SLC9B1: variants seen among roughly 807,000 people sequenced by gnomAD.
SLC9B1 encodes sodium/hydrogen exchanger 9B1.
SLC9B1 carries 32 observed loss-of-function variants against 51.7 expected under a neutral mutation model. The ratio of observed to expected loss-of-function variants is 0.62; its 90% CI spans 0.47 to 0.83. SLC9B1 has a LOEUF of 0.83. Ranked by LOEUF, SLC9B1 falls within the 40% of genes least tolerant of loss-of-function variation. The probability of loss-of-function intolerance (pLI) is 0.00; values close to 1 mark genes in which losing one functional copy is unlikely to be tolerated. For missense variants in SLC9B1, 406 were observed against 613.2 expected (o/e 0.66, Z 3.57); for synonymous variants, 145 against 212.7 (o/e 0.68, Z 2.77).
rs577393070 is a variant in SLC9B1 at position 102,903,090 on chromosome 4, T to C, written c.1333-1758A>G. ...TTCCTGGAACCAGCTTGATATTCTT[T>C]GTGTAGAAGCTAGCCTGAAGCCAGC... On this transcript the variant is annotated intron_variant, in intron 11 of 11. Transcript: ENST00000296422. Among the ~76,000 whole-genome samples, 5 of 152,336 alleles carry C rather than the reference T, an allele frequency of 3.3e-5. No individual in the cohort carries two copies. In the South Asian group the frequency reaches 1.0e-3, roughly 32 times the overall value.
chr4:102,942,125 C>T (rs866943630), intron 6 of SLC9B1, among the ~76,000 whole-genome samples: 4 of 151,844 alleles, frequency 2.6e-5, no homozygotes, highest in Admixed American at 6.6e-5. Flanking sequence ...CCCAAGCAAA[C>T]GAACTTAGGA....
At chr4:102,954,741 C>G (rs535660870) in intron 3 of SLC9B1, among the ~76,000 whole-genome samples, 1 of 152,020 alleles carries the variant, frequency 6.6e-6, no homozygotes, top group East Asian at 1.9e-4. Flanking sequence ...AGAAATATGA[C>G]ATAGAACCAA....
At chr4:102,987,047 T>C (rs988495562) in intron 3 of SLC9B1, among the ~76,000 whole-genome samples, 6 of 152,202 alleles carry the variant, frequency 3.9e-5, no homozygotes, top group African/African-American at 1.4e-4. Flanking sequence ...AAACATGATG[T>C]ACTGAGTAAA....
At chr4:102,962,959 G>A (rs1277324850) in intron 3 of SLC9B1, 1 of 462,792 alleles carries the variant, frequency 2.2e-6, no homozygotes, top group African/African-American at 2.0e-5. Flanking sequence ...CAGACTTTAT[G>A]GAATCCATCT....
intron 7 of SLC9B1, among the ~76,000 whole-genome samples, chr4:102,913,759 A>G (rs1199006326): frequency 6.7e-6 from 1 of 149,754 alleles, no homozygotes; most frequent in Non-Finnish European, 1.5e-5. Context: ...GAAATAATTC[A>G]TGAACAAAAT....
rs1165669985 is a variant in SLC9B1, at chr4:102,991,666, A to C, written c.46T>G (p.Phe16Val). The C allele has an allele frequency of 6.3e-7, 1 of 1,589,960 alleles. No homozygotes were observed. The highest frequency in any genetic ancestry group is 8.6e-7 in the Non-Finnish European group (1 of 1,166,490). ...SKNEHLEDEN[F>V]QTSTTPQSLI... ...ACCTGAGGAGTTGTAGATGTTTGGAAGTTTTCATCCTCCAAATGTTCATTT... is the reference window on the plus strand; with the variant it reads ...ACCTGAGGAGTTGTAGATGTTTGGACGTTTTCATCCTCCAAATGTTCATTT... Residue 16 changes from phenylalanine (F) to valine (V), a missense_variant, in exon 2 of 12, where the codon TTC (phenylalanine) becomes GTC (valine). Around this residue, in one of 6 missense-constraint regions of SLC9B1, gnomAD observed 108 missense variants for 94.5 expected, o/e 1.14. Coordinates refer to ENST00000296422, the MANE Select transcript of SLC9B1 (RefSeq NM_139173.4).
At chr4:102,951,843 A>G (rs1737574282) in intron 3 of SLC9B1, among the ~76,000 whole-genome samples, 1 of 151,238 alleles carries the variant, frequency 6.6e-6, no homozygotes, top group African/African-American at 2.4e-5. Flanking sequence ...AGAATTGATT[A>G]GGGTTTTTAT....
At position 103,015,838 on chromosome 4, in the gene SLC9B1, T is replaced by A. The variant is rs144981502; in HGVS notation, c.-2+3761A>T. ...CTGTCTTTCTTCTTACCAGAAATTA[T>A]ACGTTCATGTGGTTGGGTGCGGTGG... On this transcript the variant is annotated intron_variant, in intron 1 of 11. Coordinates refer to ENST00000296422, the MANE Select transcript of SLC9B1 (RefSeq NM_139173.4). 4.0e-3 allele frequency among the ~76,000 whole-genome samples: 613 copies of A among 152,176 alleles called. 2 individuals are homozygous for A. Among genetic ancestry groups the A allele is most frequent in the Non-Finnish European group, 6.6e-3 (447 of 67,988 alleles).
chr4:102,944,203 GA>G (rs1021351401), intron 6 of SLC9B1, among the ~76,000 whole-genome samples: 4 of 152,106 alleles, frequency 2.6e-5, no homozygotes, highest in African/African-American at 9.7e-5. Flanking sequence ...AGAAAGAAGG[GA>G]ACAATCGTCA....
In SLC9B1 at chr4:102,906,155, G is replaced by A. The variant is rs62327293; in HGVS notation, c.1195+381C>T. ...TCCCCATGTTAGCCAGGCAGGTCTCGAACTCCTAACTTCAAGAAATCTGCC... is the reference window on the plus strand; with the variant it reads ...TCCCCATGTTAGCCAGGCAGGTCTCAAACTCCTAACTTCAAGAAATCTGCC... On this transcript the variant is annotated intron_variant, in intron 10 of 11. Coordinates refer to ENST00000296422, the MANE Select transcript of SLC9B1 (RefSeq NM_139173.4). 3.0e-3 allele frequency: 478 copies of A among 160,450 alleles called. 4 individuals are homozygous for A. The highest frequency in any genetic ancestry group is 3.5e-3 in the Non-Finnish European group (265 of 74,856). 9.9% of individuals were successfully genotyped at this position (160,450 alleles called of 1,614,324 possible).
rs367544831 is a variant in SLC9B1 at position 102,888,723 on chromosome 4, A to G, written c.1333-3395T>C. 2.0e-5 allele frequency: 3 copies of G among 152,396 alleles called. No individual in the cohort carries two copies. In the East Asian group the frequency reaches 5.8e-4, roughly 29 times the overall value. 9.4% of individuals were successfully genotyped at this position (152,396 alleles called of 1,614,324 possible). A position where few individuals can be genotyped will look rare whatever the true frequency, so the allele number is the denominator to read the frequency against. ...TGAGGTGGGAGGATGGCTGCAGTAC[A>G]AGAGCCCAGGAGTTCAAGGCCAGGC... is the stretch of plus-strand genomic sequence containing the variant. On this transcript the variant is annotated intron_variant, in intron 11 of 11. Transcript: ENST00000394789.
chr4:102,999,686 T>G (rs1329574073), intron 1 of SLC9B1, among the ~76,000 whole-genome samples: 2 of 152,180 alleles, frequency 1.3e-5, no homozygotes, highest in Non-Finnish European at 2.9e-5. Context: ...TTGAGCTCAG[T>G]TGATAGCTTT....
intron 6 of SLC9B1, among the ~76,000 whole-genome samples, chr4:102,943,007 AG>A (rs1172731231): frequency 1.3e-5 from 2 of 152,022 alleles, no homozygotes; most frequent in African/African-American, 4.8e-5. Flanking sequence ...CCTATCAAAA[AG>A]TGTGCTAAGG....
At chr4:102,956,124 A>G (rs563207801) in intron 3 of SLC9B1, among the ~76,000 whole-genome samples, 5 of 152,326 alleles carry the variant, frequency 3.3e-5, no homozygotes, top group African/African-American at 1.2e-4. Context: ...TGGTCCTGGT[A>G]GACGACATTG....
At chr4:103,005,651 T>C (rs762268693) in intron 1 of SLC9B1, among the ~76,000 whole-genome samples, 3 of 152,140 alleles carry the variant, frequency 2.0e-5, no homozygotes, top group Non-Finnish European at 2.9e-5. Flanking sequence ...CAATAGAATA[T>C]ACATTATTCT....
At chr4:102,893,196 C>T (rs1391593059) in intron 11 of SLC9B1, among the ~76,000 whole-genome samples, 2 of 136,700 alleles carry the variant, frequency 1.5e-5, no homozygotes, top group Non-Finnish European at 3.0e-5. Flanking sequence ...GTGGAAGAAT[C>T]GCTTGAATCC....
chr4:102,968,773 T>C lies in SLC9B1; in HGVS notation c.212-19346A>G, dbSNP rs139978025. 1.3e-3 allele frequency among the ~76,000 whole-genome samples: 200 copies of C among 152,288 alleles called. 1 individual carries two copies. Among genetic ancestry groups the C allele is most frequent in the African/African-American group, 4.7e-3 (197 of 41,560 alleles). On this transcript the variant is annotated intron_variant, in intron 3 of 11. Transcript: ENST00000296422. ...CACAAGGGGTCGGGGGATTTCCCTT[T>C]CTTAGCCAAGGGAAGCCGTGACAGA...
intron 7 of SLC9B1, among the ~76,000 whole-genome samples, chr4:102,930,906 T>C (rs1329898359): frequency 1.3e-5 from 2 of 152,028 alleles, no homozygotes; most frequent in African/African-American, 4.8e-5. Flanking sequence ...TGATATACAG[T>C]TAAGTGTAAA....
intron 1 of SLC9B1, among the ~76,000 whole-genome samples, chr4:103,006,839 C>G (rs1305029912): frequency 6.6e-6 from 1 of 152,122 alleles, no homozygotes; most frequent in Non-Finnish European, 1.5e-5. Flanking sequence ...AACATATGTA[C>G]CAATAATTGT....
Sources: gnomAD v4.1 joint callset for allele counts (sites outside exome capture counted in the v4.1 genomes callset) on GRCh38, gnomAD v4.1.1 for gene constraint, gnomAD v4.1.1 regional missense constraint, MANE v1.5 for transcripts, NCBI Gene and HGNC (gene_info 2026-07-23, HGNC 2026-07-21) for gene names.